GRIP1: variants seen among roughly 807,000 people sequenced by gnomAD.
GRIP1 encodes the protein glutamate receptor interacting protein 1, also known as glutamate receptor-interacting protein 1.
Under a neutral mutation model 129.9 loss-of-function variants are expected in GRIP1, and 45 were observed. That is an observed-to-expected ratio of 0.35 (90% CI 0.27 to 0.44). The LOEUF is 0.44. Among genes scored for constraint, GRIP1 ranks in the 20% least tolerant of loss-of-function variants. The probability of loss-of-function intolerance (pLI) is 1.00; values close to 1 mark genes in which losing one functional copy is unlikely to be tolerated. For synonymous variants in GRIP1, 530 were observed against 520.8 expected (o/e 1.02, Z -0.24); for missense variants, 1,196 against 1,396.8 (o/e 0.86, Z 2.29).
chr12:66,490,840 A>C lies in GRIP1; in HGVS notation c.724+24779T>G, dbSNP rs61448698. On this transcript the variant is annotated intron_variant, in intron 7 of 24. Transcript: ENST00000359742. ...TTTCTAAAAGAAGACATTCATGCAC[A>C]CAACAAACATATGAAAAAAAGCTCC... Among the ~76,000 whole-genome samples the C allele has an allele frequency of 7.5e-3, 1,138 of 152,310 alleles. 18 individuals carry two copies. The highest frequency in any genetic ancestry group is 0.026 in the African/African-American group (1,096 of 41,582).
At chr12:66,556,641 TA>T (rs34360069) in intron 2 of GRIP1, among the ~76,000 whole-genome samples, 14,052 of 147,662 alleles carry the variant, frequency 0.095, 827 homozygotes, top group East Asian at 0.2. Flanking sequence ...GATAAAACAT[TA>T]AAAAAAAAAC....
At chr12:67,056,106 C>A (rs1355053698) in intron 1 of GRIP1, among the ~76,000 whole-genome samples, 1 of 152,078 alleles carries the variant, frequency 6.6e-6, no homozygotes, top group Non-Finnish European at 1.5e-5. Context: ...GATAAGGGAT[C>A]CAAAAAGGAG....
At chr12:66,936,207 C>G (rs1212111316) in intron 1 of GRIP1, among the ~76,000 whole-genome samples, 3 of 151,994 alleles carry the variant, frequency 2.0e-5, no homozygotes, top group African/African-American at 7.3e-5. Flanking sequence ...ATCTCTTGAG[C>G]CCAGAAGTTT....
At chr12:66,737,728 T>G (rs928268244) in intron 1 of GRIP1, among the ~76,000 whole-genome samples, 1 of 152,180 alleles carries the variant, frequency 6.6e-6, no homozygotes, top group African/African-American at 2.4e-5. Flanking sequence ...TTTTTTTTAC[T>G]CTTTTATTTT....
In GRIP1 at chr12:66,773,295, T is replaced by C. The variant is rs553159080; in HGVS notation, c.-420+30758A>G. Among the ~76,000 whole-genome samples, 8 of 152,330 alleles carry C rather than the reference T, an allele frequency of 5.3e-5. No individual in the cohort carries two copies. The East Asian group carries it at 1.4e-3, about 26-fold the overall frequency. ...ATTGTGAGCAGTGCTGTAATAAACA[T>C]ACCTGTGCATGTGTCTTTATAGTAG... On this transcript the variant is annotated intron_variant, in intron 1 of 4. Transcript: ENST00000538373.
chr12:67,003,670 G>A (rs2042584012), intron 1 of GRIP1, among the ~76,000 whole-genome samples: 1 of 151,948 alleles, frequency 6.6e-6, no homozygotes, highest in Non-Finnish European at 1.5e-5. Context: ...TCCAGCCTGG[G>A]AGACAGAGCG....
chr12:66,482,062 T>C (rs1345059784), intron 7 of GRIP1, among the ~76,000 whole-genome samples: 2 of 152,132 alleles, frequency 1.3e-5, no homozygotes, highest in Non-Finnish European at 2.9e-5. Flanking sequence ...CAAACCTGTA[T>C]GTTCTGCACA....
intron 1 of GRIP1, among the ~76,000 whole-genome samples, chr12:67,013,629 A>G (rs1036053209): frequency 1.3e-5 from 2 of 152,182 alleles, no homozygotes; most frequent in Non-Finnish European, 2.9e-5. Flanking sequence ...AGGGAATTCT[A>G]GTTAACTTGG....
At chr12:66,939,861 GC>G (rs1375755175) in intron 1 of GRIP1, among the ~76,000 whole-genome samples, 11 of 152,020 alleles carry the variant, frequency 7.2e-5, no homozygotes, top group Non-Finnish European at 7.4e-5. Flanking sequence ...ATTTTTAGAT[GC>G]CTTTATATAA....
At chr12:66,474,218 A>G (rs896359438) in intron 7 of GRIP1, among the ~76,000 whole-genome samples, 2 of 151,966 alleles carry the variant, frequency 1.3e-5, no homozygotes, top group East Asian at 3.9e-4. Context: ...ATCAAGCAGA[A>G]GAAAGGATAT....
upstream of GRIP1, among the ~76,000 whole-genome samples, chr12:66,805,872 G>A (rs2038980157): frequency 6.6e-6 from 1 of 151,708 alleles, no homozygotes; most frequent in African/African-American, 2.4e-5. Flanking sequence ...GTAAGTTTGT[G>A]GAAAGAAACA....
At chr12:66,454,807 T>C (rs1415117477) in intron 11 of GRIP1, among the ~76,000 whole-genome samples, 1 of 152,176 alleles carries the variant, frequency 6.6e-6, no homozygotes, top group Non-Finnish European at 1.5e-5. Flanking sequence ...GTAAGAAGTG[T>C]ATGTTAGATC....
chr12:66,646,549 G>A (rs565374271), intron 1 of GRIP1, among the ~76,000 whole-genome samples: 9 of 152,276 alleles, frequency 5.9e-5, no homozygotes, highest in South Asian at 2.1e-4. Flanking sequence ...GCTTAAACCC[G>A]GAACATAAGC....
chr12:66,963,212 G>A (rs2041948034), intron 1 of GRIP1, among the ~76,000 whole-genome samples: 1 of 152,126 alleles, frequency 6.6e-6, no homozygotes, highest in South Asian at 2.1e-4. Flanking sequence ...CTACTTGGGA[G>A]GCTGAGATGG....
intron 5 of GRIP1, among the ~76,000 whole-genome samples, chr12:66,523,213 A>G (rs1592479404): frequency 6.6e-6 from 1 of 151,620 alleles, no homozygotes; most frequent in East Asian, 1.9e-4. Flanking sequence ...GAGCAACTCC[A>G]AGACACATAA....
At chr12:66,684,572 C>T (rs2170097) in intron 1 of GRIP1, among the ~76,000 whole-genome samples, 2,644 of 152,248 alleles carry the variant, frequency 0.017, 81 homozygotes, top group African/African-American at 0.06. Flanking sequence ...TGGCGGGGGA[C>T]GGTGGCTCAT....
chr12:66,881,821 G>C (rs2040484023), intron 1 of GRIP1, among the ~76,000 whole-genome samples: 1 of 152,142 alleles, frequency 6.6e-6, no homozygotes, highest in Non-Finnish European at 1.5e-5. Context: ...GAACTCAGCT[G>C]TAACAAAATG....
At chr12:66,410,468 CTAAAAATACAA>C (rs2057359133) in intron 15 of GRIP1, among the ~76,000 whole-genome samples, 1 of 91,088 alleles carries the variant, frequency 1.1e-5, no homozygotes, top group South Asian at 3.9e-4. Context: ...CCCGTCTCTA[CTAAAAATACAA>C]AAAAAAAAAA....
chr12:66,365,574 C>A (rs1218866563), intron 23 of GRIP1, among the ~76,000 whole-genome samples: 1 of 152,200 alleles, frequency 6.6e-6, no homozygotes, highest in Non-Finnish European at 1.5e-5. Flanking sequence ...TTAAAGCATA[C>A]AAGCCAAACT....
Sources: gnomAD v4.1 joint callset for allele counts (sites outside exome capture counted in the v4.1 genomes callset) on GRCh38, gnomAD v4.1.1 for gene constraint, MANE v1.5 for transcripts, NCBI Gene and HGNC (gene_info 2026-07-23, HGNC 2026-07-21) for gene names.